The following XDH variants were observed in gnomAD, a reference collection of about 807,000 sequenced individuals.
XDH encodes xanthine dehydrogenase/oxidase.
In XDH, 138 loss-of-function variants were observed where a neutral mutation model predicts 156.1. The ratio of observed to expected loss-of-function variants is 0.88; its 90% CI spans 0.77 to 1.02. The LOEUF (loss-of-function observed/expected upper bound fraction) is 1.02. Among genes scored for constraint, XDH ranks in the 50% least tolerant of loss-of-function variants. The pLI is 0.00. For synonymous variants in XDH, 669 were observed against 625.7 expected (o/e 1.07, Z -1.03); for missense variants, 1,849 against 1,684.9 (o/e 1.10, Z -1.71).
intron 31 of XDH, among the ~76,000 whole-genome samples, chr2:31,344,370 C>T (rs779855656): frequency 2.0e-5 from 3 of 152,134 alleles, no homozygotes; most frequent in Non-Finnish European, 2.9e-5. Flanking sequence ...GGCCCCAATA[C>T]GTCACCCATG....
At chr2:31,409,126 G>GT (rs1687275141) in intron 1 of XDH, among the ~76,000 whole-genome samples, 1 of 152,106 alleles carries the variant, frequency 6.6e-6, no homozygotes, top group Non-Finnish European at 1.5e-5. Flanking sequence ...TAGAAGGATG[G>GT]TATCAGAGGC....
intron 15 of XDH, among the ~76,000 whole-genome samples, chr2:31,374,903 G>C (rs74428360): frequency 0.036 from 5,413 of 151,990 alleles, 112 homozygotes; most frequent in South Asian, 0.074. Context: ...ATATCCTATG[G>C]ATTCCACGGC....
chr2:31,364,205 C>T lies in XDH; in HGVS notation c.2584G>A (p.Val862Met), dbSNP rs1685849371. Residue 862 changes from valine to methionine, a missense_variant, in exon 24 of 36, where the codon GTG becomes ATG. By Grantham distance (21) the Val-to-Met change is conservative. Transcript: ENST00000379416. ...TTCCCCACATTGCTGAAGTGGTCCA[C>T]CTCAAGAGCCACAACTGTCCCAGTC... ...MKTGTVVALEVDHFSNVGNTQ... is the reference protein window; with the variant it reads ...MKTGTVVALEMDHFSNVGNTQ... 5 of 1,614,128 alleles carry T rather than the reference C, an allele frequency of 3.1e-6. No individual in the cohort carries two copies. The highest frequency in any genetic ancestry group is 2.2e-5 in the East Asian group (1 of 44,878).
Position 31,397,679 on chromosome 2 carries a change from T to G in XDH, c.484A>C (p.Thr162Pro), listed in dbSNP as rs751920290. 1 of 1,614,140 alleles carries G rather than the reference T, an allele frequency of 6.2e-7. No individual in the cohort carries two copies. The highest frequency in any genetic ancestry group is 8.5e-7 in the Non-Finnish European group (1 of 1,180,012). ...GYRPILQGFRTFARDGGCCGG... is the reference protein window; with the variant it reads ...GYRPILQGFRPFARDGGCCGG... The stretch of plus-strand genomic sequence containing the variant: ...GGGTCCCCACTTACCCTGGCAAAGG[T>G]CCGGAAGCCCTGGAGGATGGGTCTG... The change falls in exon 6 of 36, where the codon ACC becomes CCC. Residue 162 changes from threonine (T) to proline (P), a missense_variant. Coordinates refer to ENST00000379416, the MANE Select transcript of XDH (RefSeq NM_000379.4).
intron 12 of XDH, 37 bp downstream of exon 12, chr2:31,381,596 A>T (rs750395394): frequency 6.2e-7 from 1 of 1,606,016 alleles, no homozygotes; most frequent in South Asian, 1.1e-5. Context: ...TTCTCCCCCA[A>T]GTCCTTCTTC....
intron 13 of XDH, among the ~76,000 whole-genome samples, chr2:31,377,900 G>C (rs1411436631): frequency 6.6e-6 from 1 of 151,190 alleles, no homozygotes; most frequent in African/African-American, 2.4e-5. Context: ...GCACACCTGT[G>C]GTCTCGGCTA....
intron 19 of XDH, 64 bp from the exon 20 acceptor site, chr2:31,368,121 T>A (rs1302892434): frequency 3.5e-6 from 5 of 1,446,802 alleles, no homozygotes; most frequent in Non-Finnish European, 4.9e-6. Context: ...TAGGTTCTGA[T>A]TAGGGAAAGA....
In XDH at chr2:31,383,150, T is replaced by C. The variant is rs781555071; in HGVS notation, c.889A>G (p.Ile297Val). 3 of 1,614,052 alleles carry C rather than the reference T, an allele frequency of 1.9e-6. No homozygotes were observed. In the African/African-American group the frequency reaches 4.0e-5, roughly 22 times the overall value. ...AGGGGGCAAGCAGCTCCAAAGGAGA[T>C]ACCTGGGAACGCACGTTCGGAATCA... ...LNSVEHGPDG[I>V]SFGAACPLSI... The change falls in exon 11 of 36, where the codon ATC (isoleucine) becomes GTC (valine). Residue 297 changes from isoleucine to valine, a missense_variant and splice_region_variant. Ile to Val is a conservative substitution (Grantham distance 29). Coordinates refer to ENST00000379416, the MANE Select transcript of XDH (RefSeq NM_000379.4).
In XDH at chr2:31,348,364, C is replaced by G; in HGVS notation, c.3052-1G>C. ...TGTACACATGAAGTAGGGCTCCTGC[C>G]TAGGGAAAGAGAAGGATGCCAGACA... is the stretch of plus-strand genomic sequence containing the variant. On this transcript the variant is annotated splice_acceptor_variant, in intron 27 of 35. Coordinates refer to ENST00000379416, the MANE Select transcript of XDH (RefSeq NM_000379.4). LOFTEE classifies it high-confidence loss of function. The G allele has an allele frequency of 1.2e-6, 2 of 1,614,134 alleles. No homozygotes were observed. Among genetic ancestry groups the G allele is most frequent in the Non-Finnish European group, 1.7e-6 (2 of 1,180,012 alleles).
intron 9 of XDH, 44 bp downstream of exon 9, chr2:31,386,370 C>T: frequency 6.2e-7 from 1 of 1,605,890 alleles, no homozygotes; most frequent in Non-Finnish European, 8.5e-7. Flanking sequence ...TAGAAACACC[C>T]CCAGACCCCC....
At chr2:31,342,626 C>T (rs1685158119) in intron 31 of XDH, among the ~76,000 whole-genome samples, 1 of 152,192 alleles carries the variant, frequency 6.6e-6, no homozygotes, top group South Asian at 2.1e-4. Flanking sequence ...ACATGAAAGT[C>T]ACACTCCAAA....
At chr2:31,336,631 C>T (rs1165437852) in intron 35 of XDH, among the ~76,000 whole-genome samples, 1 of 150,840 alleles carries the variant, frequency 6.6e-6, no homozygotes, top group Non-Finnish European at 1.5e-5. Context: ...AGTTCTCACT[C>T]CATAGCTAAA....
chr2:31,348,770 A>G, intron 27 of XDH, 129 bp downstream of exon 27: 1 of 837,112 alleles, frequency 1.2e-6, no homozygotes, highest in Non-Finnish European at 2.0e-6. Flanking sequence ...ACTTTCATTT[A>G]AAGAGCAAAG....
chr2:31,365,159 C>T (rs971032934), intron 23 of XDH, among the ~76,000 whole-genome samples: 2 of 152,178 alleles, frequency 1.3e-5, no homozygotes, highest in Admixed American at 6.5e-5. Flanking sequence ...CTACCAAGCG[C>T]GATGGTTTAC....
intron 16 of XDH, among the ~76,000 whole-genome samples, chr2:31,372,749 G>A (rs375901759): frequency 3.3e-5 from 5 of 152,212 alleles, no homozygotes; most frequent in East Asian, 3.9e-4. Context: ...GCATAAAAAC[G>A]TGACGCAAAA....
intron 16 of XDH, among the ~76,000 whole-genome samples, chr2:31,372,978 A>C (rs1558692630): frequency 6.6e-6 from 1 of 152,194 alleles, no homozygotes; most frequent in Non-Finnish European, 1.5e-5. Flanking sequence ...TATTGATCTC[A>C]TAATAAAGTT....
chr2:31,378,044 G>GAGAAGGAAAGGAAGAAAGAA (rs1686296158), intron 13 of XDH, among the ~76,000 whole-genome samples: 2 of 113,236 alleles, frequency 1.8e-5, no homozygotes, highest in African/African-American at 7.1e-5. Flanking sequence ...AGAGAAGAAA[G>GAGAAGGAAAGGAAGAAAGAA]AGAAAGAAAG....
chr2:31,356,262 C>T (rs1408861463), intron 24 of XDH, among the ~76,000 whole-genome samples: 2 of 152,140 alleles, frequency 1.3e-5, no homozygotes, highest in African/African-American at 4.8e-5. Context: ...ACACCACCAT[C>T]AGGATCTAGT....
In XDH at chr2:31,367,679, A is replaced by G. The variant is rs2281548; in HGVS notation, c.2197+282T>C. On this transcript the variant is annotated intron_variant, in intron 20 of 35. Transcript: ENST00000379416. The stretch of plus-strand genomic sequence containing the variant: ...CCTGGCAGACCTAAGGCTGTCAGGC[A>G]TATGTGGCTGTTATCATCCCTAGTT... Among the ~76,000 whole-genome samples, 48,507 of 151,908 alleles carry G rather than the reference A, an allele frequency of 0.32. 7,952 individuals are homozygous for G. Among genetic ancestry groups the G allele is most frequent in the Non-Finnish European group, 0.34 (23,321 of 67,922 alleles).
Sources: allele counts gnomAD v4.1 joint callset (sites outside exome capture counted in the v4.1 genomes callset), GRCh38; gene constraint gnomAD v4.1.1; transcripts MANE v1.5; gene names NCBI Gene and HGNC (gene_info 2026-07-23, HGNC 2026-07-21).